NDRG3: variants seen among roughly 807,000 people sequenced by gnomAD.
NDRG3 encodes NDRG family member 3.
Under a neutral mutation model 57.2 loss-of-function variants are expected in NDRG3, and 23 were observed. That is an observed-to-expected ratio of 0.40 (90% CI 0.29 to 0.57). NDRG3 has a LOEUF of 0.57. Among genes scored for constraint, NDRG3 ranks in the 20% least tolerant of loss-of-function variants. The pLI is 0.42. For synonymous variants in NDRG3, 132 were observed against 162.6 expected (o/e 0.81, Z 1.43); for missense variants, 384 against 457.3 (o/e 0.84, Z 1.46).
intron 1 of NDRG3, among the ~76,000 whole-genome samples, chr20:36,733,243 A>C (rs1985432491): frequency 6.8e-6 from 1 of 147,930 alleles, no homozygotes; most frequent in Non-Finnish European, 1.5e-5. Flanking sequence ...AAAGACAATA[A>C]GAACAATAAG....
chr20:36,678,330 CAA>C (rs1385033539), intron 8 of NDRG3, among the ~76,000 whole-genome samples: 1 of 152,166 alleles, frequency 6.6e-6, no homozygotes, highest in East Asian at 1.9e-4. Flanking sequence ...AAACACTTCA[CAA>C]GAGGATATTC....
chr20:36,666,341 C>A lies in NDRG3; in HGVS notation c.640G>T (p.Ala214Ser). The A allele has an allele frequency of 1.9e-6, 3 of 1,614,156 alleles. No homozygotes were observed. Among genetic ancestry groups the A allele is most frequent in the Non-Finnish European group, 2.5e-6 (3 of 1,180,000 alleles). The change falls in exon 10 of 16, where the codon GCC becomes TCC. Residue 214 changes from alanine (A) to serine (S), a missense_variant. By Grantham distance (99) the Ala-to-Ser change is moderately conservative (BLOSUM62 1). Coordinates refer to ENST00000349004, the MANE Select transcript of NDRG3 (RefSeq NM_032013.4). ...AGGTTGTCTTGGTTGATGTCTTGGG[C>A]AATATGCATTCTGTAGGTTTGGATC... ...DLIQTYRMHI[A>S]QDINQDNLQL...
intron 3 of NDRG3, among the ~76,000 whole-genome samples, chr20:36,689,731 T>C (rs1487955089): frequency 1.3e-5 from 2 of 150,222 alleles, no homozygotes; most frequent in Non-Finnish European, 3.0e-5. Context: ...TTTTTTTTTT[T>C]TTTTTTTGAG....
chr20:36,679,065 C>T (rs1243037012), intron 8 of NDRG3, among the ~76,000 whole-genome samples: 1 of 152,234 alleles, frequency 6.6e-6, no homozygotes, highest in South Asian at 2.1e-4. Context: ...ATTCTCCTGC[C>T]TCAGCCTCCT....
chr20:36,722,408 GTT>G (rs1338613909), intron 1 of NDRG3, among the ~76,000 whole-genome samples: 2 of 152,182 alleles, frequency 1.3e-5, no homozygotes, highest in African/African-American at 4.8e-5. Context: ...ATGAATATGT[GTT>G]GTTTTAGGCT....
chr20:36,705,056 A>T (rs1445328769), intron 3 of NDRG3, among the ~76,000 whole-genome samples: 2 of 151,976 alleles, frequency 1.3e-5, no homozygotes, highest in Non-Finnish European at 2.9e-5. Flanking sequence ...GTGGTGGCTC[A>T]TGCCTGTAAT....
chr20:36,679,092 A>G (rs1340791587), intron 8 of NDRG3, among the ~76,000 whole-genome samples: 1 of 152,198 alleles, frequency 6.6e-6, no homozygotes, highest in African/African-American at 2.4e-5. Context: ...CTGGGATTAC[A>G]GATGTGTACC....
chr20:36,702,815 A>C (rs1446399930), intron 3 of NDRG3, among the ~76,000 whole-genome samples: 3 of 152,008 alleles, frequency 2.0e-5, no homozygotes, highest in Non-Finnish European at 4.4e-5. Context: ...CAGCCTCTCA[A>C]GTAGCCGGGA....
chr20:36,713,265 G>A (rs1984030644), intron 2 of NDRG3, among the ~76,000 whole-genome samples: 1 of 152,314 alleles, frequency 6.6e-6, no homozygotes, highest in African/African-American at 2.4e-5. Context: ...TGCAGTCAAA[G>A]TAGAAGCCAG....
intron 2 of NDRG3, among the ~76,000 whole-genome samples, chr20:36,715,366 T>C (rs911214671): frequency 2.6e-5 from 4 of 151,854 alleles, no homozygotes; most frequent in African/African-American, 7.2e-5. Flanking sequence ...TGACAACAGA[T>C]GTAACCATCA....
chr20:36,739,378 C>T (rs1421879633), intron 1 of NDRG3, among the ~76,000 whole-genome samples: 3 of 146,842 alleles, frequency 2.0e-5, no homozygotes, highest in Non-Finnish European at 3.0e-5. Context: ...ACCTGGGAGG[C>T]GGAGGTTGCA....
At chr20:36,708,668 A>G (rs1022973053) in intron 2 of NDRG3, among the ~76,000 whole-genome samples, 2 of 150,794 alleles carry the variant, frequency 1.3e-5, no homozygotes, top group Non-Finnish European at 3.0e-5. Flanking sequence ...AAAAAAAAAG[A>G]AAAAGAAAAA....
intron 9 of NDRG3, among the ~76,000 whole-genome samples, chr20:36,667,703 G>T (rs1979752487): frequency 6.6e-6 from 1 of 151,940 alleles, no homozygotes; most frequent in African/African-American, 2.4e-5. Context: ...AATATATCAG[G>T]GATAATTAAG....
intron 1 of NDRG3, among the ~76,000 whole-genome samples, chr20:36,723,113 G>A (rs767437779): frequency 2.6e-4 from 39 of 152,282 alleles, no homozygotes; most frequent in Non-Finnish European, 4.7e-4. Context: ...AACCACATGA[G>A]AGACTCTAAG....
intron 12 of NDRG3, among the ~76,000 whole-genome samples, chr20:36,661,980 T>G (rs967292829): frequency 6.6e-6 from 1 of 152,108 alleles, no homozygotes; most frequent in Non-Finnish European, 1.5e-5. Context: ...GACAAACAAA[T>G]GTACCCGTTC....
At chr20:36,738,420 G>A (rs1199961147) in intron 1 of NDRG3, among the ~76,000 whole-genome samples, 6 of 148,900 alleles carry the variant, frequency 4.0e-5, no homozygotes, top group Admixed American at 1.3e-4. Context: ...GCTTGAATCC[G>A]GGGGACAGAG....
intron 8 of NDRG3, among the ~76,000 whole-genome samples, chr20:36,675,220 C>T (rs1014470995): frequency 2.7e-5 from 4 of 148,300 alleles, no homozygotes; most frequent in South Asian, 2.1e-4. Context: ...CCACCAGGCC[C>T]GGGTAATTTT....
chr20:36,696,375 G>A (rs1380392182), intron 3 of NDRG3, among the ~76,000 whole-genome samples: 5 of 152,096 alleles, frequency 3.3e-5, no homozygotes, highest in Non-Finnish European at 5.9e-5. Context: ...GATTACAGGC[G>A]TGAGTCACTG....
At chr20:36,726,914 C>CTT (rs34520989) in intron 1 of NDRG3, among the ~76,000 whole-genome samples, 5,383 of 125,400 alleles carry the variant, frequency 0.043, 167 homozygotes, top group Non-Finnish European at 0.067. Flanking sequence ...ATCTTTCTTT[C>CTT]TTTTTTTTTT....
Sources: allele counts gnomAD v4.1 joint callset (sites outside exome capture counted in the v4.1 genomes callset), GRCh38; gene constraint gnomAD v4.1.1; transcripts MANE v1.5; gene names NCBI Gene and HGNC (gene_info 2026-07-23, HGNC 2026-07-21).